NRXN1: variants seen among roughly 807,000 people sequenced by gnomAD.
NRXN1 encodes neurexin-1.
NRXN1 carries 39 observed loss-of-function variants against 150.9 expected under a neutral mutation model. That is an observed-to-expected ratio of 0.26 (90% CI 0.20 to 0.34). The LOEUF (loss-of-function observed/expected upper bound fraction) is 0.34. NRXN1 is among the 10% of genes least tolerant of loss of function. The pLI is 1.00. For synonymous variants in NRXN1, 924 were observed against 757.0 expected (o/e 1.22, Z -3.62); for missense variants, 1,815 against 1,949.9 (o/e 0.93, Z 1.30).
At chr2:50,048,903 T>A (rs1243185870) in intron 21 of NRXN1, among the ~76,000 whole-genome samples, 1 of 152,158 alleles carries the variant, frequency 6.6e-6, no homozygotes, top group Non-Finnish European at 1.5e-5. Context: ...TCCCAAGAGT[T>A]GCAAACTATA....
At chr2:50,014,149 G>C (rs1341486579) in intron 21 of NRXN1, among the ~76,000 whole-genome samples, 6 of 151,022 alleles carry the variant, frequency 4.0e-5, no homozygotes, top group Non-Finnish European at 7.4e-5. Flanking sequence ...TGGAGAGAGG[G>C]GATTATAGCA....
intron 5 of NRXN1, among the ~76,000 whole-genome samples, chr2:50,722,970 G>T (rs1380590883): frequency 6.6e-6 from 1 of 152,096 alleles, no homozygotes; most frequent in Non-Finnish European, 1.5e-5. Context: ...CACTTGGGAT[G>T]CTGAGCTAGA....
intron 12 of NRXN1, among the ~76,000 whole-genome samples, chr2:50,509,980 T>C (rs1475925245): frequency 1.3e-5 from 2 of 151,994 alleles, no homozygotes; most frequent in Non-Finnish European, 2.9e-5. Flanking sequence ...CCCTCTGCCA[T>C]GTGAGGATAC....
intron 5 of NRXN1, among the ~76,000 whole-genome samples, chr2:50,826,770 A>G (rs889872054): frequency 6.6e-6 from 1 of 152,194 alleles, no homozygotes; most frequent in Non-Finnish European, 1.5e-5. Context: ...GAGAAGTTTG[A>G]GATAGCTCTT....
chr2:50,934,241 A>G (rs1688189973), intron 2 of NRXN1, among the ~76,000 whole-genome samples: 1 of 152,122 alleles, frequency 6.6e-6, no homozygotes, highest in South Asian at 2.1e-4. Context: ...TTTCTACAAA[A>G]GTTAACGTGA....
intron 5 of NRXN1, among the ~76,000 whole-genome samples, chr2:50,789,026 G>C (rs1483768718): frequency 6.6e-6 from 1 of 152,116 alleles, no homozygotes; most frequent in Non-Finnish European, 1.5e-5. Flanking sequence ...GGGAGACCAG[G>C]AAAAGGGATG....
At chr2:50,265,799 C>T (rs2068767833) in intron 17 of NRXN1, among the ~76,000 whole-genome samples, 1 of 152,002 alleles carries the variant, frequency 6.6e-6, no homozygotes, top group East Asian at 1.9e-4. Flanking sequence ...ACATTTCACC[C>T]AGGGTTCTTG....
chr2:50,471,530 T>C (rs1558788515), intron 16 of NRXN1, among the ~76,000 whole-genome samples: 1 of 151,868 alleles, frequency 6.6e-6, no homozygotes, highest in Non-Finnish European at 1.5e-5. Flanking sequence ...GTAGATTCCA[T>C]ATATCTGTAA....
intron 18 of NRXN1, among the ~76,000 whole-genome samples, chr2:50,118,814 G>A (rs1326683830): frequency 1.3e-5 from 2 of 152,144 alleles, no homozygotes; most frequent in African/African-American, 4.8e-5. Context: ...GTCTAGGACA[G>A]ATGTCAATTT....
At chr2:50,364,673 G>T (rs1313012175) in intron 17 of NRXN1, among the ~76,000 whole-genome samples, 2 of 151,862 alleles carry the variant, frequency 1.3e-5, no homozygotes, top group Non-Finnish European at 2.9e-5. Context: ...ATTATTTATT[G>T]CCAAGCTTTG....
chr2:50,329,671 ATATTT>A (rs1366591871), intron 17 of NRXN1, among the ~76,000 whole-genome samples: 24 of 20,686 alleles, frequency 1.2e-3, no homozygotes, highest in African/African-American at 4.7e-3. Flanking sequence ...ATATATATAT[ATATTT>A]TTTTTTTTCC....
At chr2:50,232,589 G>C (rs992622739) in intron 18 of NRXN1, among the ~76,000 whole-genome samples, 1 of 151,640 alleles carries the variant, frequency 6.6e-6, no homozygotes, top group Non-Finnish European at 1.5e-5. Context: ...GTTTCACCTT[G>C]TTGGCTAGCA....
intron 21 of NRXN1, among the ~76,000 whole-genome samples, chr2:49,944,683 G>A (rs1206009154): frequency 6.6e-6 from 1 of 152,190 alleles, no homozygotes; most frequent in Non-Finnish European, 1.5e-5. Context: ...CATGGAATCT[G>A]TAAAGGCTTC....
intron 17 of NRXN1, among the ~76,000 whole-genome samples, chr2:50,359,960 C>G (rs1303658567): frequency 4.6e-5 from 7 of 152,136 alleles, no homozygotes; most frequent in Admixed American, 4.6e-4. Flanking sequence ...ATTCAACATT[C>G]TTAAAGAAAA....
intron 12 of NRXN1, among the ~76,000 whole-genome samples, chr2:50,525,622 G>A (rs1306122425): frequency 6.6e-6 from 1 of 152,146 alleles, no homozygotes; most frequent in Admixed American, 6.6e-5. Context: ...GACTCGTCTG[G>A]GATTGTGTGC....
chr2:50,238,372 C>T (rs1358581822), intron 17 of NRXN1, among the ~76,000 whole-genome samples: 1 of 151,980 alleles, frequency 6.6e-6, no homozygotes, highest in African/African-American at 2.4e-5. Context: ...GTTGTTTCTC[C>T]AGTTGTCAGT....
intron 17 of NRXN1, among the ~76,000 whole-genome samples, chr2:50,409,906 C>T (rs1406097064): frequency 2.6e-5 from 4 of 152,002 alleles, no homozygotes; most frequent in Non-Finnish European, 5.9e-5. Flanking sequence ...ATCATCGTTC[C>T]TTCATTAGTT....
chr2:50,722,212 T>C (rs1432861047), intron 5 of NRXN1, among the ~76,000 whole-genome samples: 1 of 152,144 alleles, frequency 6.6e-6, no homozygotes, highest in Non-Finnish European at 1.5e-5. Context: ...CTAGGCTAGA[T>C]GTTAGTGGCA....
chr2:50,373,679 A>AAAGAAAGAAAGAAAG (rs1553513456), intron 17 of NRXN1, among the ~76,000 whole-genome samples: 50 of 65,614 alleles, frequency 7.6e-4, no homozygotes, highest in African/African-American at 2.1e-3. Context: ...AGAAAGAAAG[A>AAAGAAAGAAAGAAAG]AAAGAAAGAA....
Sources: allele counts gnomAD v4.1 joint callset (sites outside exome capture counted in the v4.1 genomes callset), GRCh38; gene constraint gnomAD v4.1.1; transcripts MANE v1.5; gene names NCBI Gene and HGNC (gene_info 2026-07-23, HGNC 2026-07-21).